ANKRD36B: variants seen among roughly 807,000 people sequenced by gnomAD.
ANKRD36B encodes ankyrin repeat domain 36B, also known as ankyrin repeat domain-containing protein 36B.
A neutral mutation model predicts 135.7 loss-of-function variants in ANKRD36B; 37 were observed. The ratio of observed to expected loss-of-function variants is 0.27; its 90% CI spans 0.21 to 0.36. The LOEUF (loss-of-function observed/expected upper bound fraction) is 0.36. Ranked by LOEUF, ANKRD36B falls within the 10% of genes least tolerant of loss-of-function variation. The pLI, the probability that ANKRD36B is intolerant of heterozygous loss-of-function variation, is 1.00. For missense variants in ANKRD36B, 549 were observed against 1,037.1 expected (o/e 0.53, Z 6.46); for synonymous variants, 179 against 348.1 (o/e 0.51, Z 5.41).
At position 97,546,011 on chromosome 2, in the gene ANKRD36B, T is replaced by C. The variant is rs943827337; in HGVS notation, c.1580-150A>G. 1.6e-5 allele frequency: 13 copies of C among 829,344 alleles called. No individual in the cohort carries two copies. The African/African-American group carries it at 2.1e-4, about 14-fold the overall frequency. 51.4% of individuals were successfully genotyped at this position (829,344 alleles called of 1,614,324 possible). A position where few individuals can be genotyped will look rare whatever the true frequency, so the allele number is the denominator to read the frequency against. ...TACTTTGTGTCTGGGGACAAGAACA[T>C]GACAGAAATACACTGAAAAAAGGGA... On this transcript the variant is annotated intron_variant, in intron 22 of 43. Transcript: ENST00000359901.
At chr2:97,552,497 A>C (rs910625763) in intron 16 of ANKRD36B, among the ~76,000 whole-genome samples, 1 of 151,920 alleles carries the variant, frequency 6.6e-6, no homozygotes, top group Non-Finnish European at 1.5e-5. Context: ...TAATAGTAAC[A>C]AAAAGGAGTA....
At chr2:97,547,413 A>C in intron 22 of ANKRD36B, 123 bp downstream of exon 22, 1 of 1,108,098 alleles carries the variant, frequency 9.0e-7, no homozygotes, top group Non-Finnish European at 1.3e-6. Flanking sequence ...TTTGAAATGA[A>C]GAATCTCAGG....
chr2:97,563,747 A>C (rs1220024810), intron 6 of ANKRD36B, among the ~76,000 whole-genome samples: 1 of 152,178 alleles, frequency 6.6e-6, no homozygotes, highest in Non-Finnish European at 1.5e-5. Context: ...GTTGCAATCA[A>C]CATAGCCATG....
At chr2:97,587,591 A>G (rs973311616) in intron 1 of ANKRD36B, among the ~76,000 whole-genome samples, 1 of 152,232 alleles carries the variant, frequency 6.6e-6, no homozygotes, top group Non-Finnish European at 1.5e-5. Context: ...GGGTTTTCCA[A>G]ATACACTGCT....
chr2:97,589,495 C>T (rs767884432), intron 1 of ANKRD36B, 30 bp downstream of exon 1: 85 of 1,546,108 alleles, frequency 5.5e-5, no homozygotes, highest in African/African-American at 3.3e-4. Flanking sequence ...CAGGCCTCCT[C>T]CCGCAGCCCC....
intron 32 of ANKRD36B, among the ~76,000 whole-genome samples, chr2:97,537,176 A>G (rs1341431588): frequency 3.1e-5 from 3 of 96,468 alleles, no homozygotes; most frequent in African/African-American, 6.2e-5. Context: ...TATAAACCCC[A>G]TCGAAAAGTA....
Position 97,560,658 on chromosome 2 carries a change from A to G in ANKRD36B, c.865+7T>C, listed in dbSNP as rs144890806. ...AACATGACATTAGATGTGTTTTGCAAAATTACCTGTCCCAGATATAGGTCC... is the reference window on the plus strand; with the variant it reads ...AACATGACATTAGATGTGTTTTGCAGAATTACCTGTCCCAGATATAGGTCC... On this transcript the variant is annotated splice_region_variant and intron_variant, in intron 8 of 43. Transcript: ENST00000359901. The G allele has an allele frequency of 5.2e-3, 8,353 of 1,602,002 alleles. 358 individuals are homozygous for G. The East Asian group carries it at 0.11, about 22-fold the overall frequency.
intron 3 of ANKRD36B, among the ~76,000 whole-genome samples, chr2:97,582,104 G>A (rs962433637): frequency 7.9e-5 from 12 of 151,520 alleles, no homozygotes; most frequent in Admixed American, 2.0e-4. Flanking sequence ...CACTGCGCTC[G>A]GCCAATTACT....
intron 6 of ANKRD36B, among the ~76,000 whole-genome samples, chr2:97,567,287 A>AAATT (rs2104842959): frequency 6.8e-6 from 1 of 148,140 alleles, no homozygotes; most frequent in East Asian, 2.0e-4. Flanking sequence ...AGCTACCTGG[A>AAATT]TGCTCTCCAA....
chr2:97,553,092 C>T (rs781293400), intron 16 of ANKRD36B, 76 bp downstream of exon 16: 69 of 1,532,788 alleles, frequency 4.5e-5, no homozygotes, highest in South Asian at 1.5e-4. Context: ...ACCCGCCCTG[C>T]GCTGATTTAT....
At chr2:97,569,885 T>A (rs1374388569) in intron 6 of ANKRD36B, among the ~76,000 whole-genome samples, 1 of 152,000 alleles carries the variant, frequency 6.6e-6, no homozygotes, top group Non-Finnish European at 1.5e-5. Flanking sequence ...AGCAAATAAC[T>A]TAACTGTATT....
At chr2:97,569,644 C>T (rs954154890) in intron 6 of ANKRD36B, among the ~76,000 whole-genome samples, 6 of 149,334 alleles carry the variant, frequency 4.0e-5, no homozygotes, top group African/African-American at 1.5e-4. Flanking sequence ...GAGCTATGAA[C>T]GTGAGGGGGG....
chr2:97,528,834 C>G lies in ANKRD36B; in HGVS notation c.2265+3477G>C, dbSNP rs549046407. ...ATGGATAAATTCCTGGACACATACA[C>G]CCTCCCAAGACTAAACCAGGAAGAA... On this transcript the variant is annotated intron_variant, in intron 35 of 43. Transcript: ENST00000359901. Among the ~76,000 whole-genome samples, 55 of 95,688 alleles carry G rather than the reference C, an allele frequency of 5.7e-4. 10 individuals carry two copies. The South Asian group carries it at 0.011, about 20-fold the overall frequency. The allele number at this position is 95,688 out of a possible 152,430, so 62.8% of individuals were successfully genotyped here.
chr2:97,545,217 A>C (rs2079352863), intron 24 of ANKRD36B, among the ~76,000 whole-genome samples: 1 of 96,104 alleles, frequency 1.0e-5, no homozygotes, highest in South Asian at 2.3e-4. Context: ...CTATTCCTTG[A>C]GGAAAATAAT....
rs202062717 is a variant in ANKRD36B, at chr2:97,515,782, C to T, written c.2571G>A (p.Ser857=). The change falls in exon 37 of 44, where the codon TCG becomes TCA. Residue 857 remains serine, a synonymous_variant. Coordinates refer to ENST00000359901, the MANE Select transcript of ANKRD36B (RefSeq NM_001393939.1). ...KRISEKEEIK[S]QLKHEILELE... is the part of the protein sequence containing the mutation. ...ATTCAAGTATTTCATGCTTTAACTGCGATTTTATTTCTTCTTTTTCAGATA... is the reference window on the plus strand; with the variant it reads ...ATTCAAGTATTTCATGCTTTAACTGTGATTTTATTTCTTCTTTTTCAGATA... The T allele has an allele frequency of 1.6e-5, 3 of 186,932 alleles. 1 individual carries two copies. Among genetic ancestry groups the T allele is most frequent in the South Asian group, 2.4e-5 (1 of 42,502 alleles). 11.6% of individuals were successfully genotyped at this position (186,932 alleles called of 1,614,324 possible).
rs1398413647 is a variant in ANKRD36B at position 97,526,780 on chromosome 2, G to A, written c.2266-3313C>T. ...ATGCAGAAGCCTCAGAGGCCGATGCGATCAACTGGAAGAAAGGGTATCAGT... is the reference window on the plus strand; with the variant it reads ...ATGCAGAAGCCTCAGAGGCCGATGCAATCAACTGGAAGAAAGGGTATCAGT... On this transcript the variant is annotated intron_variant, in intron 35 of 43. Coordinates refer to ENST00000359901, the MANE Select transcript of ANKRD36B (RefSeq NM_001393939.1). 1.0e-4 allele frequency among the ~76,000 whole-genome samples: 10 copies of A among 96,980 alleles called. 2 individuals carry two copies. Among genetic ancestry groups the A allele is most frequent in the African/African-American group, 1.9e-4 (6 of 32,244 alleles). 63.6% of individuals were successfully genotyped at this position (96,980 alleles called of 152,430 possible). A position where few individuals can be genotyped will look rare whatever the true frequency, so the allele number is the denominator to read the frequency against.
chr2:97,552,992 G>A (rs966167130), intron 16 of ANKRD36B, among the ~76,000 whole-genome samples, 176 bp downstream of exon 16: 1 of 151,870 alleles, frequency 6.6e-6, no homozygotes, highest in Non-Finnish European at 1.5e-5. Flanking sequence ...CACGTTCCAA[G>A]CCAGCAGCAT....
intron 3 of ANKRD36B, among the ~76,000 whole-genome samples, chr2:97,582,961 A>G (rs2082722122): frequency 6.6e-6 from 1 of 152,112 alleles, no homozygotes; most frequent in African/African-American, 2.4e-5. Context: ...TTATAATTCT[A>G]GTTTCTATAT....
intron 1 of ANKRD36B, among the ~76,000 whole-genome samples, chr2:97,587,756 C>T (rs191875864): frequency 0.038 from 5,846 of 152,270 alleles, 171 homozygotes; most frequent in Non-Finnish European, 0.059. Context: ...GAAATGTAAA[C>T]TTTCAACAGC....
Sources: allele counts gnomAD v4.1 joint callset (sites outside exome capture counted in the v4.1 genomes callset), GRCh38; gene constraint gnomAD v4.1.1; transcripts MANE v1.5; gene names NCBI Gene and HGNC (gene_info 2026-07-23, HGNC 2026-07-21).